Variants in ADD3 observed in about 807,000 individuals in gnomAD.
The protein encoded by ADD3 is adducin 3, also known as gamma-adducin.
In ADD3, 25 loss-of-function variants were observed where a neutral mutation model predicts 80.2. The ratio of observed to expected loss-of-function variants is 0.31; its 90% confidence interval spans 0.23 to 0.44. The LOEUF is 0.44. ADD3 is among the 20% of genes least tolerant of loss of function. The pLI, the probability that ADD3 is intolerant of heterozygous loss-of-function variation, is 1.00. For missense variants in ADD3, 829 were observed against 847.5 expected, an observed-to-expected ratio of 0.98 and a Z score of 0.27; for synonymous variants, 284 against 289.6, an observed-to-expected ratio of 0.98 and a Z score of 0.20.
intron 1 of ADD3, among the ~76,000 whole-genome samples, chr10:110,022,918 T>C (rs1468945619): frequency 6.6e-6 from 1 of 152,060 alleles, no homozygotes; most frequent in Non-Finnish European, 1.5e-5. Context: ...ATGGTTATGA[T>C]ATGGGAGAGG....
At chr10:110,001,903 T>C (rs11194945), upstream of ADD3, among the ~76,000 whole-genome samples, 13,548 of 152,220 alleles carry the variant, frequency 0.089, 1,916 homozygotes, top group African/African-American at 0.31. Flanking sequence ...GGCATATGAC[T>C]ATGTGATGAA....
intron 1 of ADD3, among the ~76,000 whole-genome samples, chr10:109,998,104 T>C (rs1203920226): frequency 3.9e-5 from 6 of 152,196 alleles, no homozygotes; most frequent in Admixed American, 3.3e-4. Flanking sequence ...TAATGATAAA[T>C]AAGTACAACA....
At position 110,100,678 on chromosome 10, in the gene ADD3, G is replaced by A. The variant is rs770809843; in HGVS notation, c.25G>A (p.Val9Met). The A allele has an allele frequency of 9.3e-6, 15 of 1,611,074 alleles. No individual in the cohort carries two copies. The highest frequency in any genetic ancestry group is 6.6e-5 in the South Asian group (6 of 90,648). The change falls in exon 2 of 15, where the codon GTG becomes ATG. Residue 9 changes from valine (V) to methionine (M), a missense_variant. Val to Met is a conservative substitution (Grantham distance 21). Transcript: ENST00000356080. The stretch of plus-strand genomic sequence containing the variant: ...CATGAGCTCAGATGCCAGCCAAGGC[G>A]TGATTACCACTCCTCCTCCTCCCAG... Reference protein sequence around the residue: MSSDASQGVITTPPPPSMP... With the variant: MSSDASQGMITTPPPPSMP...
chr10:110,083,259 T>TTGGA (rs1211053430), intron 1 of ADD3, among the ~76,000 whole-genome samples: 6 of 152,164 alleles, frequency 3.9e-5, no homozygotes, highest in Middle Eastern at 3.4e-3. Context: ...TGGACAAATA[T>TTGGA]TGGATGGACG....
intron 1 of ADD3, among the ~76,000 whole-genome samples, chr10:110,011,457 A>G (rs114951782): frequency 0.018 from 2,794 of 152,328 alleles, 101 homozygotes; most frequent in African/African-American, 0.063. Flanking sequence ...GTCATTTGAC[A>G]ACTTAGTGCA....
intron 1 of ADD3, among the ~76,000 whole-genome samples, chr10:110,080,384 A>G (rs890039370): frequency 3.9e-5 from 6 of 152,236 alleles, no homozygotes; most frequent in Non-Finnish European, 8.8e-5. Flanking sequence ...AACCCAAATT[A>G]TATGAAGTTT....
rs557406545 is a variant in ADD3, at chr10:110,030,180, G to A, written c.-30+21881G>A. ...CTCTACTAAAAATACAAAATTAGCC[G>A]GGCATGGTGGCACATGCTTGTAATC... On this transcript the variant is annotated intron_variant, in intron 1 of 14. Transcript: ENST00000356080. 3.1e-4 allele frequency among the ~76,000 whole-genome samples: 47 copies of A among 151,220 alleles called. 1 individual carries two copies. The highest frequency in any genetic ancestry group is 1.2e-3 in the Admixed American group (18 of 15,190).
At chr10:110,028,022 A>T (rs1353386602) in intron 1 of ADD3, among the ~76,000 whole-genome samples, 1 of 152,214 alleles carries the variant, frequency 6.6e-6, no homozygotes, top group Non-Finnish European at 1.5e-5. Context: ...GCCTTGAACA[A>T]GTTAGCTACC....
chr10:110,079,548 G>A (rs897718952), intron 1 of ADD3, among the ~76,000 whole-genome samples: 1 of 146,890 alleles, frequency 6.8e-6, no homozygotes, highest in African/African-American at 2.5e-5. Context: ...ATACCATTAT[G>A]TATCTACTCT....
intron 1 of ADD3, among the ~76,000 whole-genome samples, chr10:110,014,355 A>G (rs1429628165): frequency 2.0e-5 from 3 of 152,230 alleles, no homozygotes; most frequent in Non-Finnish European, 2.9e-5. Flanking sequence ...GTGATTGGGC[A>G]TAAGTGCCTT....
At chr10:110,077,294 C>CT (rs932677824) in intron 1 of ADD3, among the ~76,000 whole-genome samples, 3,555 of 148,366 alleles carry the variant, frequency 0.024, 138 homozygotes, top group African/African-American at 0.082. Flanking sequence ...CACTTGTCTG[C>CT]TTTTTTTTTT....
chr10:110,095,317 A>T (rs1449406710), intron 1 of ADD3, among the ~76,000 whole-genome samples: 1 of 152,232 alleles, frequency 6.6e-6, no homozygotes, highest in Non-Finnish European at 1.5e-5. Context: ...CTATCACCAC[A>T]ATAATTTTAG....
chr10:110,112,622 T>C (rs962815309), intron 2 of ADD3, among the ~76,000 whole-genome samples, 155 bp from the exon 3 acceptor site: 1 of 152,220 alleles, frequency 6.6e-6, no homozygotes, highest in African/African-American at 2.4e-5. Flanking sequence ...CTTGCAGTGC[T>C]TTGATTTTAT....
chr10:110,082,322 G>GA (rs917844254), intron 1 of ADD3, among the ~76,000 whole-genome samples: 2 of 151,672 alleles, frequency 1.3e-5, no homozygotes, highest in South Asian at 2.1e-4. Flanking sequence ...AAAAAGATCA[G>GA]AAAAAAAATG....
intron 4 of ADD3, 103 bp from the exon 5 acceptor site, chr10:110,117,239 T>C (rs1565011044): frequency 1.0e-5 from 6 of 598,306 alleles, no homozygotes; most frequent in Non-Finnish European, 1.2e-5. Flanking sequence ...GTTTTTTTTT[T>C]CCTGATCTCT....
chr10:110,129,104 A>G (rs11816186), intron 12 of ADD3, among the ~76,000 whole-genome samples: 5,857 of 151,128 alleles, frequency 0.039, 389 homozygotes, highest in African/African-American at 0.14. Flanking sequence ...GGAGCCTGCA[A>G]CTGTATTTTG....
intron 1 of ADD3, among the ~76,000 whole-genome samples, chr10:110,093,843 A>G (rs1380965314): frequency 2.0e-5 from 3 of 152,086 alleles, no homozygotes; most frequent in Non-Finnish European, 4.4e-5. Context: ...GTGTGTATGT[A>G]TGAAAAATAT....
intron 1 of ADD3, among the ~76,000 whole-genome samples, chr10:110,061,928 A>G (rs1858942447): frequency 6.6e-6 from 1 of 152,120 alleles, no homozygotes; most frequent in Non-Finnish European, 1.5e-5. Flanking sequence ...TTTACTGTCA[A>G]GAATGCAAAT....
At chr10:110,125,707 C>G (rs1852060615) in intron 10 of ADD3, 119 bp from the exon 11 acceptor site, 2 of 647,050 alleles carry the variant, frequency 3.1e-6, no homozygotes, top group South Asian at 3.2e-5. Context: ...TAAGATACTG[C>G]TTAGTGAAAT....
Sources: allele counts gnomAD v4.1 joint callset (sites outside exome capture counted in the v4.1 genomes callset), GRCh38; gene constraint gnomAD v4.1.1; transcripts MANE v1.5; gene names NCBI Gene and HGNC (gene_info 2026-07-23, HGNC 2026-07-21).